PCDHGA5: variants seen among roughly 807,000 people sequenced by gnomAD.
PCDHGA5 encodes the protein protocadherin gamma subfamily A, 5.
In PCDHGA5, 36 loss-of-function variants were observed where a neutral mutation model predicts 56.7. The ratio of observed to expected loss-of-function variants is 0.64; its 90% CI spans 0.49 to 0.84. PCDHGA5 has a LOEUF of 0.84. Ranked by LOEUF, PCDHGA5 falls within the 40% of genes least tolerant of loss-of-function variation. PCDHGA5 has a pLI of 0.00. For missense variants in PCDHGA5, 1,305 were observed against 1,201.5 expected (o/e 1.09, Z -1.27); for synonymous variants, 563 against 520.2 (o/e 1.08, Z -1.12).
intron 1 of PCDHGA5, chr5:141,372,083 G>T (rs1381793721): frequency 6.2e-7 from 1 of 1,613,756 alleles, no homozygotes. Context: ...CGCTGGTGCT[G>T]TACCCAGCTC....
chr5:141,440,960 A>C (rs1467379261), intron 1 of PCDHGA5: 2 of 152,248 alleles, frequency 1.3e-5, no homozygotes, highest in Non-Finnish European at 2.9e-5. Flanking sequence ...CAAGGCAGAG[A>C]TCACATATGG....
chr5:141,505,602 A>G lies in PCDHGA5; in HGVS notation c.2569+121A>G, dbSNP rs1041288927. 4.6e-5 allele frequency: 71 copies of G among 1,534,990 alleles called. 1 individual carries two copies. In the Admixed American group the frequency reaches 1.4e-3, roughly 30 times the overall value. On this transcript the variant is annotated intron_variant, in intron 3 of 3. Coordinates refer to ENST00000518069, the MANE Select transcript of PCDHGA5 (RefSeq NM_018918.3). ...GTGTAGTTTCTCCAGATCTTTCGGC[A>G]GGTCTGAAAGGACCCACAATTCCAA...
chr5:141,364,963 C>T lies in PCDHGA5; in HGVS notation c.633C>T (p.Leu211=), dbSNP rs1763641490. The change falls in exon 1 of 4, where the codon CTC becomes CTT. Residue 211 remains leucine (L), a synonymous_variant. Coordinates refer to ENST00000518069, the MANE Select transcript of PCDHGA5 (RefSeq NM_018918.3). ...AGAAAGAGACTGTTCACGACCTCCT[C>T]CTCACAGCTTTAGATGGCGGAGACC... ...DREKETVHDL[L]LTALDGGDPV... is the part of the protein sequence containing the mutation. 6.2e-7 allele frequency: 1 copy of T among 1,613,822 alleles called. No homozygotes were observed. The highest frequency in any genetic ancestry group is 1.7e-5 in the Admixed American group (1 of 60,004).
intron 1 of PCDHGA5, chr5:141,393,160 T>A: frequency 6.2e-7 from 1 of 1,613,204 alleles, no homozygotes; most frequent in Non-Finnish European, 8.5e-7. Context: ...AAAGGAAAAC[T>A]CTTTGGGGTA....
Position 141,505,432 on chromosome 5 carries a change from C to T in PCDHGA5, c.2520C>T (p.Asn840=), listed in dbSNP as rs776731214. Residue 840 remains asparagine, a synonymous_variant, in exon 3 of 4, where the codon AAC becomes AAT. Transcript: ENST00000518069. ...ATGACACCGGCACCTGGCCCAACAA[C>T]CAGTTTGACACAGAGATGCTGCAAG... ...NGDDTGTWPN[N]QFDTEMLQAM... 6.2e-7 allele frequency: 1 copy of T among 1,614,252 alleles called. No homozygotes were observed. Among genetic ancestry groups the T allele is most frequent in the Non-Finnish European group, 8.5e-7 (1 of 1,180,048 alleles).
chr5:141,470,860 T>G (rs2099242265), intron 1 of PCDHGA5, among the ~76,000 whole-genome samples: 1 of 151,788 alleles, frequency 6.6e-6, no homozygotes, highest in South Asian at 2.1e-4. Context: ...GATAAGTTTT[T>G]TGTTTGTTTG....
intron 1 of PCDHGA5, chr5:141,414,831 G>A (rs1230752323): frequency 1.9e-6 from 3 of 1,614,212 alleles, no homozygotes; most frequent in Admixed American, 1.7e-5. Flanking sequence ...ACGTGTCGTT[G>A]AGCCTGTTTG....
At chr5:141,430,595 G>T (rs549786394) in intron 1 of PCDHGA5, 3 of 567,018 alleles carry the variant, frequency 5.3e-6, no homozygotes, top group African/African-American at 1.9e-5. Context: ...CCTTGCACGC[G>T]CCTGAAGCAC....
intron 1 of PCDHGA5, among the ~76,000 whole-genome samples, chr5:141,380,592 C>A (rs1776595781): frequency 6.6e-6 from 1 of 152,050 alleles, no homozygotes; most frequent in South Asian, 2.1e-4. Flanking sequence ...TAGTAAAGAT[C>A]TTTAATATTT....
chr5:141,491,648 T>G lies in PCDHGA5; in HGVS notation c.2422-3159T>G, dbSNP rs756792762. 1 of 1,613,834 alleles carries G rather than the reference T, an allele frequency of 6.2e-7. No individual in the cohort carries two copies. Among genetic ancestry groups the G allele is most frequent in the Non-Finnish European group, 8.5e-7 (1 of 1,180,002 alleles). On this transcript the variant is annotated intron_variant, in intron 1 of 3. Coordinates refer to ENST00000518069, the MANE Select transcript of PCDHGA5 (RefSeq NM_018918.3). This position sits in a 1 kb window ranked among gnomAD's most constrained non-coding sequence, Gnocchi z 6.9. Reference sequence around the variant, plus strand: ...GTTCAGCAGCCCACAGCTCTGGCGCTGGAGCCTGACGCCATCCGGTCCCGC... The same window carrying G: ...GTTCAGCAGCCCACAGCTCTGGCGCGGGAGCCTGACGCCATCCGGTCCCGC...
intron 1 of PCDHGA5, among the ~76,000 whole-genome samples, chr5:141,482,765 T>C (rs2099572013): frequency 7.9e-6 from 1 of 127,068 alleles, no homozygotes; most frequent in African/African-American, 3.6e-5. Flanking sequence ...TATTTCATTA[T>C]CACTGAACCT....
intron 1 of PCDHGA5, chr5:141,419,601 C>T (rs753678898): frequency 6.2e-7 from 1 of 1,611,818 alleles, no homozygotes; most frequent in South Asian, 1.1e-5. Context: ...GTGCCGCGGG[C>T]CGCGCAGCCA....
intron 1 of PCDHGA5, among the ~76,000 whole-genome samples, chr5:141,397,572 C>T (rs374731219): frequency 1.8e-4 from 27 of 152,196 alleles, no homozygotes; most frequent in Middle Eastern, 3.4e-3. Context: ...AGAGCAAGAA[C>T]TGTATCATAT....
chr5:141,485,374 T>A lies in PCDHGA5; in HGVS notation c.2422-9433T>A. Reference sequence around the variant, plus strand: ...TGTCAGCTCGCAGGCTGCAGGTCGCTGGAGAGGTGAACCAAAGACACTTCC... The same window carrying A: ...TGTCAGCTCGCAGGCTGCAGGTCGCAGGAGAGGTGAACCAAAGACACTTCC... On this transcript the variant is annotated intron_variant, in intron 1 of 3. Coordinates refer to ENST00000518069, the MANE Select transcript of PCDHGA5 (RefSeq NM_018918.3). The surrounding 1 kb of genome is among the most constrained non-coding windows in gnomAD (Gnocchi z 5.7). The A allele has an allele frequency of 1.2e-6, 2 of 1,614,082 alleles. No homozygotes were observed. Among genetic ancestry groups the A allele is most frequent in the Non-Finnish European group, 1.7e-6 (2 of 1,179,998 alleles).
chr5:141,378,980 G>T (rs1336652080), intron 1 of PCDHGA5: 1 of 152,182 alleles, frequency 6.6e-6, no homozygotes, highest in Non-Finnish European at 1.5e-5. Context: ...ATGACTTGTT[G>T]AACTACATTA....
In PCDHGA5 at chr5:141,394,672, G is replaced by A. The variant is rs1407775660; in HGVS notation, c.2421+27921G>A. 4 of 1,612,088 alleles carry A rather than the reference G, an allele frequency of 2.5e-6. No individual in the cohort carries two copies. In the African/African-American group the frequency reaches 5.4e-5, roughly 22 times the overall value. On this transcript the variant is annotated intron_variant, in intron 1 of 3. Transcript: ENST00000518069. Reference sequence around the variant, plus strand: ...AGCGAGCCGGGACTCTTCTCGGTGGGTCTGCACACGGGCGAGGTGCGCACG... The same window carrying A: ...AGCGAGCCGGGACTCTTCTCGGTGGATCTGCACACGGGCGAGGTGCGCACG...
In PCDHGA5 at chr5:141,461,039, C is replaced by T. The variant is rs1026091108; in HGVS notation, c.2422-33768C>T. On this transcript the variant is annotated intron_variant, in intron 1 of 3. Coordinates refer to ENST00000518069, the MANE Select transcript of PCDHGA5 (RefSeq NM_018918.3). ...ACATTTTCTTTATCCACTCATTAGT[C>T]GATGGGGACTTAGGTTGGTTTCACA... is the stretch of plus-strand genomic sequence containing the variant. 2.7e-5 allele frequency among the ~76,000 whole-genome samples: 4 copies of T among 150,906 alleles called. No homozygotes were observed. In the East Asian group the frequency reaches 7.8e-4, roughly 29 times the overall value.
At chr5:141,470,961 C>T (rs1447105252) in intron 1 of PCDHGA5, among the ~76,000 whole-genome samples, 1 of 152,036 alleles carries the variant, frequency 6.6e-6, no homozygotes, top group Non-Finnish European at 1.5e-5. Context: ...AAGTGATCCT[C>T]CCACCTCAGC....
chr5:141,509,233 AG>A (rs1204393769), intron 3 of PCDHGA5, among the ~76,000 whole-genome samples: 1 of 152,104 alleles, frequency 6.6e-6, no homozygotes, highest in Non-Finnish European at 1.5e-5. Context: ...TTGATGTCCC[AG>A]GATTACTCAG....
Sources: allele counts gnomAD v4.1 joint callset (sites outside exome capture counted in the v4.1 genomes callset), GRCh38; gene constraint gnomAD v4.1.1; non-coding constraint Gnocchi (gnomAD v3.1); transcripts MANE v1.5; gene names NCBI Gene and HGNC (gene_info 2026-07-23, HGNC 2026-07-21).